Variants in PRKN observed in about 807,000 individuals in gnomAD.
The protein encoded by PRKN is parkin RBR E3 ubiquitin protein ligase, also known as E3 ubiquitin-protein ligase parkin.
Under a neutral mutation model 59.5 loss-of-function variants are expected in PRKN, and 56 were observed. That is an observed-to-expected ratio of 0.94 (90% CI 0.76 to 1.18). The LOEUF is 1.18. Among genes scored for constraint, PRKN ranks in the 50% most tolerant of loss-of-function variants. The pLI is 0.00. For missense variants in PRKN, 657 were observed against 596.4 expected, an observed-to-expected ratio of 1.10 and a Z score of -1.06; for synonymous variants, 250 against 222.1, an observed-to-expected ratio of 1.13 and a Z score of -1.12.
intron 5 of PRKN, among the ~76,000 whole-genome samples, chr6:162,020,074 C>G (rs553179188): frequency 6.6e-6 from 1 of 151,192 alleles, no homozygotes; most frequent in Non-Finnish European, 1.5e-5. Context: ...GGTCTAATGT[C>G]AGCAGCACCT....
chr6:162,556,672 G>A (rs1195660591), intron 1 of PRKN, among the ~76,000 whole-genome samples: 12 of 148,334 alleles, frequency 8.1e-5, no homozygotes, highest in African/African-American at 2.0e-4. Context: ...GCCTGAACCC[G>A]GGAAGCAGAG....
Position 161,410,032 on chromosome 6 carries a change from T to A in PRKN, c.1084-23155A>T, listed in dbSNP as rs1787451726. On this transcript the variant is annotated intron_variant, in intron 9 of 11. Transcript: ENST00000366898. This position sits in a 1 kb window ranked among gnomAD's most constrained non-coding sequence, Gnocchi z 5.3. ...AAGCCAGGCACAGTGACCTTTCCTG[T>A]ACCTGTGCTAGGATGCAAAAGATCA... 6.6e-6 allele frequency among the ~76,000 whole-genome samples: 1 copy of A among 152,210 alleles called. No homozygotes were observed. The highest frequency in any genetic ancestry group is 2.4e-5 in the African/African-American group (1 of 41,434).
intron 6 of PRKN, among the ~76,000 whole-genome samples, chr6:161,833,623 C>CGGGTGGGCAGGTGGGGATG (rs1792609598): frequency 6.6e-6 from 1 of 152,098 alleles, no homozygotes; most frequent in Non-Finnish European, 1.5e-5. Flanking sequence ...CTCGGATGTC[C>CGGGTGGGCAGGTGGGGATG]GGGTGGGCAG....
In PRKN at chr6:161,578,125, C is replaced by A. The variant is rs1241294760; in HGVS notation, c.872-8709G>T. Among the ~76,000 whole-genome samples, 1 of 151,742 alleles carries A rather than the reference C, an allele frequency of 6.6e-6. No homozygotes were observed. The highest frequency in any genetic ancestry group is 2.4e-5 in the African/African-American group (1 of 41,294). On this transcript the variant is annotated intron_variant, in intron 7 of 11. Transcript: ENST00000366898. This position sits in a 1 kb window ranked among gnomAD's most constrained non-coding sequence, Gnocchi z 4.2. ...AAAGAGCCAAGTGAGCAGAGAGCAA[C>A]CAAAGAGGTATAAAAAAAGAAAAAG...
intron 7 of PRKN, among the ~76,000 whole-genome samples, chr6:161,645,037 T>C (rs1370044486): frequency 6.6e-6 from 1 of 152,156 alleles, no homozygotes; most frequent in African/African-American, 2.4e-5. Flanking sequence ...TTAGATTTTG[T>C]TTCTGTGACA....
At chr6:161,966,894 C>T (rs1189215589) in intron 6 of PRKN, among the ~76,000 whole-genome samples, 4 of 152,202 alleles carry the variant, frequency 2.6e-5, no homozygotes, top group South Asian at 2.1e-4. Flanking sequence ...TGCAGTGGCA[C>T]GATCTTGGCT....
chr6:162,544,291 T>C (rs546572008), intron 1 of PRKN, among the ~76,000 whole-genome samples: 35 of 152,252 alleles, frequency 2.3e-4, no homozygotes, highest in African/African-American at 8.2e-4. Context: ...TAATAGTCTT[T>C]AGCACTCCCA....
intron 6 of PRKN, among the ~76,000 whole-genome samples, chr6:161,794,256 C>A (rs1255512423): frequency 2.0e-5 from 3 of 152,122 alleles, no homozygotes; most frequent in East Asian, 1.9e-4. Context: ...TCAATATATA[C>A]CTGCTGAGGT....
chr6:161,742,628 C>A (rs1224841863), intron 7 of PRKN, among the ~76,000 whole-genome samples: 1 of 152,214 alleles, frequency 6.6e-6, no homozygotes, highest in Non-Finnish European at 1.5e-5. Flanking sequence ...ATTTCAGGCT[C>A]AAAGTGTCCA....
intron 7 of PRKN, among the ~76,000 whole-genome samples, chr6:161,678,368 G>A (rs1785170436): frequency 6.6e-6 from 1 of 151,254 alleles, no homozygotes; most frequent in African/African-American, 2.4e-5. Flanking sequence ...ATACAATGGG[G>A]ACAAGTGTAA....
chr6:161,950,829 G>C (rs748403130), intron 6 of PRKN, among the ~76,000 whole-genome samples: 1 of 151,726 alleles, frequency 6.6e-6, no homozygotes, highest in Non-Finnish European at 1.5e-5. Flanking sequence ...ATTGTACTGC[G>C]TCTTCGAGAG....
intron 1 of PRKN, among the ~76,000 whole-genome samples, chr6:162,567,516 C>A (rs67084568): frequency 0.1 from 15,334 of 152,000 alleles, 938 homozygotes; most frequent in Middle Eastern, 0.19. Context: ...TTAAAAATTC[C>A]ATTTACAATA....
intron 1 of PRKN, among the ~76,000 whole-genome samples, chr6:162,653,346 CTGTG>C (rs971283052): frequency 1.7e-4 from 26 of 151,232 alleles, no homozygotes; most frequent in African/African-American, 5.6e-4. Flanking sequence ...GTGTGCGTGT[CTGTG>C]TGTGTGTCTC....
chr6:161,478,469 A>G (rs9458282), intron 9 of PRKN, among the ~76,000 whole-genome samples: 31,063 of 152,196 alleles, frequency 0.2, 3,683 homozygotes, highest in African/African-American at 0.33. Context: ...ACATGTGATA[A>G]TTGATCTACA....
At chr6:162,181,309 G>C (rs974394086) in intron 4 of PRKN, among the ~76,000 whole-genome samples, 11 of 152,174 alleles carry the variant, frequency 7.2e-5, no homozygotes, top group African/African-American at 2.7e-4. Context: ...CAAACCATTT[G>C]CATATTTCTT....
chr6:162,048,597 A>T (rs1357604727), intron 5 of PRKN, among the ~76,000 whole-genome samples: 2 of 151,984 alleles, frequency 1.3e-5, no homozygotes, highest in Non-Finnish European at 2.9e-5. Flanking sequence ...ACAAACACAA[A>T]TTATTGTTTT....
At chr6:161,931,561 T>C (rs1779172793) in intron 6 of PRKN, among the ~76,000 whole-genome samples, 1 of 152,162 alleles carries the variant, frequency 6.6e-6, no homozygotes, top group Admixed American at 6.5e-5. Context: ...TCTTTATCAA[T>C]TACCCAGTCT....
chr6:162,302,999 C>CACAG (rs1309832023), intron 2 of PRKN, among the ~76,000 whole-genome samples: 4 of 151,102 alleles, frequency 2.6e-5, no homozygotes, highest in African/African-American at 4.9e-5. Context: ...CACACACACA[C>CACAG]AGACACACAC....
intron 6 of PRKN, among the ~76,000 whole-genome samples, chr6:161,969,231 T>A (rs1027911149): frequency 6.6e-6 from 1 of 151,798 alleles, no homozygotes; most frequent in Admixed American, 6.6e-5. Flanking sequence ...ATGCAGTCAA[T>A]GATGTCTGTA....
Sources: gnomAD v4.1 joint callset for allele counts (sites outside exome capture counted in the v4.1 genomes callset) on GRCh38, gnomAD v4.1.1 for gene constraint, Gnocchi (gnomAD v3.1) non-coding constraint, MANE v1.5 for transcripts, NCBI Gene and HGNC (gene_info 2026-07-23, HGNC 2026-07-21) for gene names.